Variants in ADAMTSL3 observed in about 807,000 individuals in gnomAD.
ADAMTSL3 encodes the protein ADAMTS like 3.
Under a neutral mutation model 201.7 loss-of-function variants are expected in ADAMTSL3, and 128 were observed. That is an observed-to-expected ratio of 0.63 (90% CI 0.55 to 0.73). ADAMTSL3 has a LOEUF of 0.73. ADAMTSL3 is among the 30% of genes least tolerant of loss of function. The pLI is 0.00. For synonymous variants in ADAMTSL3, 738 were observed against 748.4 expected, an observed-to-expected ratio of 0.99 and a Z score of 0.23; for missense variants, 1,990 against 2,119.6, an observed-to-expected ratio of 0.94 and a Z score of 1.20.
intron 2 of ADAMTSL3, among the ~76,000 whole-genome samples, chr15:83,690,771 G>A (rs1417348278): frequency 6.6e-6 from 1 of 152,180 alleles, no homozygotes; most frequent in Non-Finnish European, 1.5e-5. Context: ...TGCTTGTACA[G>A]TAGTACTAAG....
intron 6 of ADAMTSL3, among the ~76,000 whole-genome samples, chr15:83,831,659 G>T (rs1157483183): frequency 1.3e-5 from 2 of 152,222 alleles, no homozygotes; most frequent in Middle Eastern, 3.4e-3. Context: ...CTCTTGAGTA[G>T]CTGGGACTAC....
At chr15:84,007,817 G>A (rs1338143122) in intron 23 of ADAMTSL3, among the ~76,000 whole-genome samples, 2 of 152,120 alleles carry the variant, frequency 1.3e-5, no homozygotes, top group African/African-American at 4.8e-5. Flanking sequence ...GTAAAAGGAA[G>A]GCAAGGGTGG....
chr15:83,766,200 A>T (rs991427290), intron 3 of ADAMTSL3, among the ~76,000 whole-genome samples: 1 of 152,138 alleles, frequency 6.6e-6, no homozygotes, highest in African/African-American at 2.4e-5. Context: ...TGCTCTTGAC[A>T]ACCAAAGGTT....
chr15:83,687,874 T>C (rs1395820008), intron 2 of ADAMTSL3, among the ~76,000 whole-genome samples: 1 of 143,648 alleles, frequency 7.0e-6, no homozygotes, highest in Admixed American at 6.8e-5. Flanking sequence ...GAGATTCCAC[T>C]ACAGCCCAAC....
chr15:83,975,563 T>C (rs1431043402), intron 20 of ADAMTSL3, among the ~76,000 whole-genome samples: 1 of 152,168 alleles, frequency 6.6e-6, no homozygotes, highest in African/African-American at 2.4e-5. Context: ...TTCATTGCCT[T>C]AATTCATTCA....
At chr15:83,853,522 A>G (rs1428929378) in intron 7 of ADAMTSL3, among the ~76,000 whole-genome samples, 2 of 152,190 alleles carry the variant, frequency 1.3e-5, no homozygotes, top group African/African-American at 4.8e-5. Context: ...TATCAGGAAT[A>G]ATGACTGAAT....
chr15:83,888,402 GA>G (rs1204560735), intron 10 of ADAMTSL3, among the ~76,000 whole-genome samples: 1 of 115,890 alleles, frequency 8.6e-6, no homozygotes, highest in African/African-American at 3.6e-5. Flanking sequence ...TTAGAACAAA[GA>G]TTTTTTTTTT....
rs1051794376 is a variant in ADAMTSL3, at chr15:84,039,304, T to G, written c.*1498T>G. The G allele has an allele frequency of 6.6e-6, 1 of 152,664 alleles. No homozygotes were observed. The highest frequency in any genetic ancestry group is 2.4e-5 in the African/African-American group (1 of 41,450). The allele number at this position is 152,664 out of a possible 1,614,324, so 9.5% of individuals were successfully genotyped here. ...GAACAGTGCATTTTGGCTTTGGATG[T>G]GTCTGTGGACAAGCTTGCTGAGTTT... On this transcript the variant is annotated 3_prime_UTR_variant, in exon 30 of 30. Coordinates refer to ENST00000286744, the MANE Select transcript of ADAMTSL3 (RefSeq NM_207517.3).
intron 3 of ADAMTSL3, among the ~76,000 whole-genome samples, chr15:83,738,170 T>C (rs920192248): frequency 6.6e-6 from 1 of 152,136 alleles, no homozygotes; most frequent in Non-Finnish European, 1.5e-5. Context: ...AAGAAACTGG[T>C]AAAGCTTGGA....
chr15:83,790,996 A>T (rs990466283), intron 4 of ADAMTSL3, among the ~76,000 whole-genome samples: 1 of 152,212 alleles, frequency 6.6e-6, no homozygotes, highest in East Asian at 1.9e-4. Flanking sequence ...ATGAAAGAGG[A>T]ACCCTAATAA....
intron 20 of ADAMTSL3, among the ~76,000 whole-genome samples, chr15:83,979,501 TAAAA>T (rs1400715192): frequency 6.6e-6 from 1 of 152,122 alleles, no homozygotes; most frequent in East Asian, 1.9e-4. Context: ...AGGTGAGTAA[TAAAA>T]AAAGGAGAAC....
chr15:83,897,632 A>G (rs1159866626), intron 13 of ADAMTSL3, among the ~76,000 whole-genome samples: 1 of 152,218 alleles, frequency 6.6e-6, no homozygotes, highest in East Asian at 1.9e-4. Context: ...CTCACCTTAA[A>G]TACTTTTTGA....
At chr15:83,897,180 A>G (rs2065633074) in intron 13 of ADAMTSL3, among the ~76,000 whole-genome samples, 1 of 152,184 alleles carries the variant, frequency 6.6e-6, no homozygotes, top group Non-Finnish European at 1.5e-5. Context: ...CATTCCACTC[A>G]TAGGCAAGAG....
intron 19 of ADAMTSL3, among the ~76,000 whole-genome samples, chr15:83,950,024 A>T (rs1313154916): frequency 6.6e-6 from 1 of 151,892 alleles, no homozygotes; most frequent in African/African-American, 2.4e-5. Flanking sequence ...ATGTGATCCC[A>T]TTTGTCCATT....
At chr15:84,014,481 G>A in intron 23 of ADAMTSL3, 61 bp from the exon 24 acceptor site, 1 of 1,460,322 alleles carries the variant, frequency 6.8e-7, no homozygotes. Flanking sequence ...TATTTGTCAA[G>A]TGGTTCTGTG....
At chr15:83,852,404 G>A (rs1427247938) in intron 7 of ADAMTSL3, among the ~76,000 whole-genome samples, 2 of 152,146 alleles carry the variant, frequency 1.3e-5, no homozygotes, top group African/African-American at 4.8e-5. Flanking sequence ...GTGAGCCACT[G>A]CACCCAGTTG....
In ADAMTSL3 at chr15:83,892,545, A is replaced by G. The variant is rs536065199; in HGVS notation, c.1263-139A>G. ...ACTCTGTCTCAACAAAAAAAAGTAT[A>G]AAGTCTTATGACTCCCAGTCCCAGG... On this transcript the variant is annotated intron_variant, in intron 12 of 29. Transcript: ENST00000286744. 2.5e-4 allele frequency: 201 copies of G among 801,840 alleles called. 2 individuals carry two copies. The East Asian group carries it at 3.9e-3, about 16-fold the overall frequency. The allele number at this position is 801,840 out of a possible 1,614,324, so 49.7% of individuals were successfully genotyped here. A position where few individuals can be genotyped will look rare whatever the true frequency, so the allele number is the denominator to read the frequency against.
chr15:83,893,641 A>G (rs989867832), intron 13 of ADAMTSL3, among the ~76,000 whole-genome samples: 1 of 152,190 alleles, frequency 6.6e-6, no homozygotes, highest in South Asian at 2.1e-4. Context: ...CGGGCAGCCT[A>G]TTTAGAAATC....
At chr15:83,951,045 A>C (rs1337916496) in intron 19 of ADAMTSL3, among the ~76,000 whole-genome samples, 1 of 146,946 alleles carries the variant, frequency 6.8e-6, no homozygotes, top group East Asian at 2.0e-4. Context: ...TAGGACTACT[A>C]GGACTATGTT....
Sources: gnomAD v4.1 joint callset for allele counts (sites outside exome capture counted in the v4.1 genomes callset) on GRCh38, gnomAD v4.1.1 for gene constraint, MANE v1.5 for transcripts, NCBI Gene and HGNC (gene_info 2026-07-23, HGNC 2026-07-21) for gene names.